The following PCDHA7 variants were observed in gnomAD, a reference collection of about 807,000 sequenced individuals.
The protein encoded by PCDHA7 is protocadherin alpha-7.
PCDHA7 carries 37 observed loss-of-function variants against 57.2 expected under a neutral mutation model. The ratio of observed to expected loss-of-function variants is 0.65; its 90% CI spans 0.50 to 0.85. PCDHA7 has a LOEUF of 0.85. Among genes scored for constraint, PCDHA7 ranks in the 40% least tolerant of loss-of-function variants. The pLI, the probability that PCDHA7 is intolerant of heterozygous loss-of-function variation, is 0.00. For missense variants in PCDHA7, 1,188 were observed against 1,241.8 expected (o/e 0.96, Z 0.65); for synonymous variants, 553 against 558.8 (o/e 0.99, Z 0.15).
chr5:140,912,381 A>G (rs1554195316), intron 1 of PCDHA7, among the ~76,000 whole-genome samples: 2 of 150,140 alleles, frequency 1.3e-5, no homozygotes, highest in African/African-American at 4.9e-5. Context: ...AAAGGGATTG[A>G]GTTCTTAATT....
intron 1 of PCDHA7, among the ~76,000 whole-genome samples, chr5:140,960,872 AAT>A (rs2095576865): frequency 6.6e-6 from 1 of 152,232 alleles, no homozygotes; most frequent in Admixed American, 6.5e-5. Flanking sequence ...AATTAGCTGA[AAT>A]ACACACTAAT....
At chr5:140,892,011 A>G (rs1001369849) in intron 1 of PCDHA7, among the ~76,000 whole-genome samples, 10 of 152,244 alleles carry the variant, frequency 6.6e-5, no homozygotes, top group African/African-American at 2.4e-4. Flanking sequence ...CTGTTATAGC[A>G]GCACAAATGG....
At chr5:140,851,413 C>A in intron 1 of PCDHA7, 1 of 961,744 alleles carries the variant, frequency 1.0e-6, no homozygotes, top group Non-Finnish European at 1.3e-6. Flanking sequence ...AAGAAAGAAA[C>A]TTCCCCTAAA....
At chr5:140,865,669 A>G (rs546524670) in intron 1 of PCDHA7, 4 of 152,306 alleles carry the variant, frequency 2.6e-5, no homozygotes, top group African/African-American at 9.6e-5. Flanking sequence ...ACTTATAACA[A>G]TTTCTAAAGT....
intron 1 of PCDHA7, among the ~76,000 whole-genome samples, chr5:140,846,701 G>A (rs1554141463): frequency 1.3e-5 from 2 of 149,318 alleles, no homozygotes; most frequent in South Asian, 2.1e-4. Flanking sequence ...AAGTAGAGAA[G>A]ATTGTAATAA....
chr5:140,987,007 A>C (rs2097221901), intron 3 of PCDHA7, among the ~76,000 whole-genome samples: 1 of 152,142 alleles, frequency 6.6e-6, no homozygotes, highest in African/African-American at 2.4e-5. Context: ...TGAGGTCATG[A>C]GTTCGAGACC....
At chr5:140,870,134 A>G (rs2051696193) in intron 1 of PCDHA7, 1 of 1,613,888 alleles carries the variant, frequency 6.2e-7, no homozygotes, top group African/African-American at 1.3e-5. Flanking sequence ...GACACCAACG[A>G]TAACTCTCCT....
intron 1 of PCDHA7, among the ~76,000 whole-genome samples, chr5:140,972,660 ATTTTTTTT>A (rs11350929): frequency 6.0e-5 from 7 of 117,270 alleles, no homozygotes; most frequent in African/African-American, 2.0e-4. Flanking sequence ...AAGAAACCAA[ATTTTTTTT>A]TTTTTTTTTT....
intron 3 of PCDHA7, among the ~76,000 whole-genome samples, chr5:140,985,879 A>G (rs539308826): frequency 6.6e-6 from 1 of 151,504 alleles, no homozygotes; most frequent in Non-Finnish European, 1.5e-5. Context: ...AGCTGGGACT[A>G]CAGGCGCCCG....
intron 1 of PCDHA7, among the ~76,000 whole-genome samples, chr5:140,907,290 G>T (rs1554192922): frequency 1.3e-5 from 2 of 152,200 alleles, no homozygotes; most frequent in East Asian, 3.8e-4. Context: ...CAATCCAGCT[G>T]CTTCAGGATG....
At chr5:140,966,724 CGCCTCCGGCCCTGCCCGGCT>C (rs1563354102) in intron 1 of PCDHA7, 1 of 1,396,284 alleles carries the variant, frequency 7.2e-7, no homozygotes, top group Admixed American at 3.3e-5. Flanking sequence ...GGGAAGCTGC[CGCCTCCGGCCCTGCCCGGCT>C]GCCTCCGCCG....
rs1554135389 is a variant in PCDHA7 at position 140,835,887 on chromosome 5, C to G, written c.1504C>G (p.Arg502Gly). The part of the protein sequence containing the change: ...YSLVELRVGE[R>G]ALSSYVSVHA... Reference sequence around the variant, plus strand: ...GCTGGTGGAGCTGCGGGTGGGCGAGCGCGCGCTGTCGAGCTACGTGTCAGT... The same window carrying G: ...GCTGGTGGAGCTGCGGGTGGGCGAGGGCGCGCTGTCGAGCTACGTGTCAGT... Residue 502 changes from arginine to glycine, a missense_variant, in exon 1 of 4, where the codon CGC becomes GGC. Physicochemically the swap from Arg to Gly is moderately radical, Grantham distance 125 (BLOSUM62 -2). Coordinates refer to ENST00000525929, the MANE Select transcript of PCDHA7 (RefSeq NM_018910.3). The G allele has an allele frequency of 1.2e-6, 2 of 1,611,898 alleles. No individual in the cohort carries two copies. The highest frequency in any genetic ancestry group is 1.7e-6 in the Non-Finnish European group (2 of 1,179,628).
rs782194525 is a variant in PCDHA7 at position 140,927,807 on chromosome 5, C to T, written c.2356-51142C>T. The T allele has an allele frequency of 8.7e-6, 14 of 1,614,088 alleles. No homozygotes were observed. In the African/African-American group the frequency reaches 1.3e-4, roughly 15 times the overall value. Reference sequence around the variant, plus strand: ...CTTCACTAGGTCCGCCTGAAACGCTCTTGGAGGCATACATTGAGGCGAGGG... The same window carrying T: ...CTTCACTAGGTCCGCCTGAAACGCTTTTGGAGGCATACATTGAGGCGAGGG... On this transcript the variant is annotated intron_variant, in intron 1 of 3. Coordinates refer to ENST00000525929, the MANE Select transcript of PCDHA7 (RefSeq NM_018910.3).
At chr5:140,882,279 C>A (rs1456228410) in intron 1 of PCDHA7, 1 of 1,612,386 alleles carries the variant, frequency 6.2e-7, no homozygotes, top group Non-Finnish European at 8.5e-7. Context: ...ATGCTGTCTT[C>A]CTGGCAAGGA....
intron 1 of PCDHA7, chr5:140,863,140 C>T: frequency 1.6e-6 from 1 of 606,732 alleles, no homozygotes; most frequent in Non-Finnish European, 3.2e-6. Flanking sequence ...CCTGCTGGTG[C>T]TGGTGAAGGA....
chr5:140,898,330 G>A (rs536378486), intron 1 of PCDHA7, among the ~76,000 whole-genome samples: 29 of 152,102 alleles, frequency 1.9e-4, no homozygotes, highest in African/African-American at 6.0e-4. Flanking sequence ...TGGGTCTAAC[G>A]TTTAAGTCTT....
chr5:140,900,101 T>C (rs2067753417), intron 1 of PCDHA7, among the ~76,000 whole-genome samples: 1 of 152,180 alleles, frequency 6.6e-6, no homozygotes, highest in African/African-American at 2.4e-5. Flanking sequence ...TGCGCCACCA[T>C]ACCTGGCCTT....
chr5:140,884,500 G>C (rs782378726), intron 1 of PCDHA7: 10 of 1,614,004 alleles, frequency 6.2e-6, no homozygotes, highest in Admixed American at 3.3e-5. Flanking sequence ...GCTCCAGCGC[G>C]GCAGGGAGTT....
At chr5:140,964,841 T>G (rs2095857355) in intron 1 of PCDHA7, among the ~76,000 whole-genome samples, 2 of 152,190 alleles carry the variant, frequency 1.3e-5, no homozygotes, top group Non-Finnish European at 2.9e-5. Context: ...CTTCCTACTC[T>G]GTACCCTTGA....
Sources: gnomAD v4.1 joint callset for allele counts (sites outside exome capture counted in the v4.1 genomes callset) on GRCh38, gnomAD v4.1.1 for gene constraint, MANE v1.5 for transcripts, NCBI Gene and HGNC (gene_info 2026-07-23, HGNC 2026-07-21) for gene names.